The following HADH variants were observed in gnomAD, a reference collection of about 807,000 sequenced individuals.
HADH encodes hydroxyacyl-CoA dehydrogenase, also known as hydroxyacyl-coenzyme A dehydrogenase, mitochondrial.
Under a neutral mutation model 32.2 loss-of-function variants are expected in HADH, and 24 were observed. The observed-to-expected ratio is 0.75, with a 90% CI of 0.54 to 1.05. The LOEUF (loss-of-function observed/expected upper bound fraction) is 1.05, where lower values mean the gene tolerates loss of function less well. HADH is among the 50% of genes least tolerant of loss of function. The probability of loss-of-function intolerance (pLI) is 0.00; values close to 1 mark genes in which losing one functional copy is unlikely to be tolerated. For synonymous variants in HADH, 139 were observed against 152.5 expected, an observed-to-expected ratio of 0.91 and a Z score of 0.65; for missense variants, 350 against 397.1, an observed-to-expected ratio of 0.88 and a Z score of 1.01.
chr4:108,000,700 A>G (rs1735096680), intron 1 of HADH, among the ~76,000 whole-genome samples: 1 of 152,204 alleles, frequency 6.6e-6, no homozygotes, highest in Admixed American at 6.5e-5. Context: ...TCCATGTTAG[A>G]TTATGAAGGG....
chr4:107,996,764 C>T lies in HADH; in HGVS notation c.132+6700C>T, dbSNP rs1487349194. On this transcript the variant is annotated intron_variant, in intron 1 of 7. Transcript: ENST00000309522. ...CAAAAATTAGCTGAGCATGGTGACA[C>T]ATGCCTGCAGTCCCAGCTATTCAGG... 3.3e-5 allele frequency among the ~76,000 whole-genome samples: 5 copies of T among 152,056 alleles called. No individual in the cohort carries two copies. The East Asian group carries it at 9.6e-4, about 29-fold the overall frequency.
chr4:107,994,078 C>T (rs890436282), intron 1 of HADH, among the ~76,000 whole-genome samples: 1 of 152,162 alleles, frequency 6.6e-6, no homozygotes, highest in Admixed American at 6.5e-5. Context: ...AGCCAGTGGG[C>T]TCCCTGGGAA....
At chr4:108,013,107 A>C (rs376677998) in intron 2 of HADH, among the ~76,000 whole-genome samples, 5 of 152,114 alleles carry the variant, frequency 3.3e-5, no homozygotes, top group African/African-American at 1.2e-4. Flanking sequence ...AAATTTTTGT[A>C]TTTTTAGTGG....
chr4:108,003,535 T>G (rs1735186183), intron 1 of HADH, among the ~76,000 whole-genome samples: 1 of 152,106 alleles, frequency 6.6e-6, no homozygotes, highest in African/African-American at 2.4e-5. Flanking sequence ...ACCAAGTAAT[T>G]TAAAGACTTT....
intron 1 of HADH, among the ~76,000 whole-genome samples, chr4:108,007,578 C>T (rs145951565): frequency 3.2e-4 from 48 of 152,314 alleles, no homozygotes; most frequent in African/African-American, 9.1e-4. Context: ...CATAGCCTGT[C>T]GAACCAGTCT....
chr4:107,998,163 A>G (rs1735011308), intron 1 of HADH, among the ~76,000 whole-genome samples: 1 of 152,236 alleles, frequency 6.6e-6, no homozygotes, highest in African/African-American at 2.4e-5. Flanking sequence ...TCAGATTACT[A>G]TAACACAGTT....
chr4:108,025,455 A>T (rs1736034137), intron 5 of HADH: 1 of 152,200 alleles, frequency 6.6e-6, no homozygotes, highest in Admixed American at 6.5e-5. Flanking sequence ...CAGGGTTATT[A>T]TGAGGAATGA....
chr4:108,013,803 C>T (rs189371810), intron 2 of HADH, among the ~76,000 whole-genome samples: 1 of 152,096 alleles, frequency 6.6e-6, no homozygotes, highest in East Asian at 1.9e-4. Flanking sequence ...GGTTAAATAA[C>T]ATTAATTTCA....
At chr4:108,027,415 C>T in intron 5 of HADH, 1 of 516,404 alleles carries the variant, frequency 1.9e-6, no homozygotes. Flanking sequence ...CAAAGCCATG[C>T]TCTTCCAGGT....
intron 4 of HADH, among the ~76,000 whole-genome samples, chr4:108,020,952 AT>A (rs900454697): frequency 1.6e-4 from 25 of 151,972 alleles, no homozygotes; most frequent in Admixed American, 1.4e-3. Context: ...AATAATGACC[AT>A]TTTTTTTAGC....
chr4:107,990,064 G>A lies in HADH; in HGVS notation c.132G>A (p.Gln44=). The change falls in exon 1 of 8, where the codon CAG becomes CAA. Residue 44 remains glutamine (Q), a splice_region_variant and synonymous_variant. Coordinates refer to ENST00000309522, the MANE Select transcript of HADH (RefSeq NM_005327.7). Reference sequence around the variant, plus strand: ...GGCTGATGGGCGCCGGCATTGCCCAGGTGAGCGGCCCTCCCTGCAGCGTGC... The same window carrying A: ...GGCTGATGGGCGCCGGCATTGCCCAAGTGAGCGGCCCTCCCTGCAGCGTGC... The part of the protein sequence containing the change: ...GGGLMGAGIA[Q]VAAATGHTVV... 1 of 1,608,412 alleles carries A rather than the reference G, an allele frequency of 6.2e-7. No homozygotes were observed. The highest frequency in any genetic ancestry group is 8.5e-7 in the Non-Finnish European group (1 of 1,178,400).
At chr4:108,003,368 G>A (rs1044335772) in intron 1 of HADH, among the ~76,000 whole-genome samples, 18 of 152,084 alleles carry the variant, frequency 1.2e-4, no homozygotes, top group African/African-American at 4.3e-4. Context: ...TCATGAGGGA[G>A]GAGCCCTCAT....
At position 108,019,535 on chromosome 4, in the gene HADH, C is replaced by T; in HGVS notation, c.420-5C>T. On this transcript the variant is annotated splice_region_variant and splice_polypyrimidine_tract_variant and intron_variant, in intron 3 of 7. Transcript: ENST00000309522. Reference sequence around the variant, plus strand: ...TGATACTCCCACTATATTTTCTCTTCACAGACATACAATCTTTGCCAGCAA... The same window carrying T: ...TGATACTCCCACTATATTTTCTCTTTACAGACATACAATCTTTGCCAGCAA... The T allele has an allele frequency of 6.2e-7, 1 of 1,613,192 alleles. No homozygotes were observed. Among genetic ancestry groups the T allele is most frequent in the Non-Finnish European group, 8.5e-7 (1 of 1,179,164 alleles).
chr4:107,997,478 C>A (rs966977349), intron 1 of HADH, among the ~76,000 whole-genome samples: 1 of 152,074 alleles, frequency 6.6e-6, no homozygotes, highest in Non-Finnish European at 1.5e-5. Flanking sequence ...TGTGCTTCTG[C>A]TTGGCATGTT....
intron 7 of HADH, among the ~76,000 whole-genome samples, chr4:108,033,919 A>C (rs973320397): frequency 6.6e-6 from 1 of 152,244 alleles, no homozygotes; most frequent in African/African-American, 2.4e-5. Flanking sequence ...GATGAATCCA[A>C]CCAGCAAATT....
At position 107,990,071 on chromosome 4, in the gene HADH, G is replaced by T. The variant is rs534966818; in HGVS notation, c.132+7G>T. 8.8e-5 allele frequency: 142 copies of T among 1,605,656 alleles called. No individual in the cohort carries two copies. The highest frequency in any genetic ancestry group is 8.5e-4 in the Middle Eastern group (5 of 5,892). On this transcript the variant is annotated splice_region_variant and intron_variant, in intron 1 of 7. Transcript: ENST00000309522. ...GGGCGCCGGCATTGCCCAGGTGAGC[G>T]GCCCTCCCTGCAGCGTGCCCACGCG...
chr4:108,024,516 C>T (rs1735994770), intron 5 of HADH: 1 of 152,222 alleles, frequency 6.6e-6, no homozygotes, highest in Admixed American at 6.5e-5. Flanking sequence ...TTGAGGTGGA[C>T]TCCAGCAGCC....
At chr4:107,997,988 A>G (rs1321386886) in intron 1 of HADH, among the ~76,000 whole-genome samples, 1 of 152,216 alleles carries the variant, frequency 6.6e-6, no homozygotes, top group Admixed American at 6.5e-5. Context: ...AGGAGAGGCC[A>G]TCAGCTACAG....
At chr4:107,990,247 C>T (rs1225467944) in intron 1 of HADH, among the ~76,000 whole-genome samples, 183 bp downstream of exon 1, 4 of 152,218 alleles carry the variant, frequency 2.6e-5, no homozygotes, top group Admixed American at 2.0e-4. Context: ...TCTCACTCCC[C>T]TCAAAATTCA....
Sources: gnomAD v4.1 joint callset for allele counts (sites outside exome capture counted in the v4.1 genomes callset) on GRCh38, gnomAD v4.1.1 for gene constraint, MANE v1.5 for transcripts, NCBI Gene and HGNC (gene_info 2026-07-23, HGNC 2026-07-21) for gene names.